Variants in PDHX observed in about 807,000 individuals in gnomAD.
PDHX encodes the protein pyruvate dehydrogenase protein X component, mitochondrial.
PDHX carries 33 observed loss-of-function variants against 55.3 expected under a neutral mutation model. The observed-to-expected ratio is 0.60, with a 90% CI of 0.45 to 0.80. The LOEUF (loss-of-function observed/expected upper bound fraction) is 0.80, where lower values mean the gene tolerates loss of function less well. Among genes scored for constraint, PDHX ranks in the 30% least tolerant of loss-of-function variants. PDHX has a pLI of 0.00. For synonymous variants in PDHX, 226 were observed against 219.4 expected, an observed-to-expected ratio of 1.03 and a Z score of -0.27; for missense variants, 622 against 619.9, an observed-to-expected ratio of 1.00 and a Z score of -0.04.
intron 5 of PDHX, among the ~76,000 whole-genome samples, chr11:34,964,816 GCTATTAGCATAACT>G (rs1169097985): frequency 3.5e-5 from 5 of 142,372 alleles, no homozygotes; most frequent in African/African-American, 1.0e-4. Flanking sequence ...ACTAATATTA[GCTATTAGCATAACT>G]AATATTAGCT....
chr11:34,963,557 G>C (rs937794007), intron 5 of PDHX, among the ~76,000 whole-genome samples: 3 of 152,186 alleles, frequency 2.0e-5, no homozygotes, highest in Non-Finnish European at 4.4e-5. Flanking sequence ...TGGGAATGCA[G>C]ACGTGAGCCA....
chr11:34,970,044 G>A (rs1033460988), intron 6 of PDHX, 95 bp from the exon 7 acceptor site: 1 of 1,011,182 alleles, frequency 9.9e-7, no homozygotes, highest in Non-Finnish European at 1.5e-6. Flanking sequence ...AGGTCATTGA[G>A]AATGAATTTC....
rs948745409 is a variant in PDHX, at chr11:34,986,323, A to G, written c.1182+1595A>G. ...ACTGTATCTCAAAAAAAAAAAAAAA[A>G]AAAGAAAGGTAGCGTTTATTTGGTC... On this transcript the variant is annotated intron_variant, in intron 9 of 10. Transcript: ENST00000227868. Among the ~76,000 whole-genome samples, 8 of 27,642 alleles carry G rather than the reference A, an allele frequency of 2.9e-4. No individual in the cohort carries two copies. In the East Asian group the frequency reaches 8.0e-3, roughly 28 times the overall value. 18.1% of individuals were successfully genotyped at this position (27,642 alleles called of 152,430 possible).
chr11:34,960,347 G>A, intron 4 of PDHX, 73 bp from the exon 5 acceptor site: 5 of 982,550 alleles, frequency 5.1e-6, no homozygotes, highest in Non-Finnish European at 8.1e-6. Context: ...TTGCGAAACT[G>A]TTGACATTTA....
intron 4 of PDHX, among the ~76,000 whole-genome samples, chr11:34,958,213 C>T (rs946343106): frequency 3.3e-5 from 5 of 152,020 alleles, no homozygotes; most frequent in African/African-American, 1.2e-4. Flanking sequence ...AGAAAAAGAT[C>T]TTCATAAAGT....
intron 3 of PDHX, among the ~76,000 whole-genome samples, chr11:34,955,359 C>A (rs955355699): frequency 6.6e-6 from 1 of 152,092 alleles, no homozygotes; most frequent in Non-Finnish European, 1.5e-5. Flanking sequence ...AGGAAATTAG[C>A]ACACCTCTGA....
chr11:34,975,157 A>G (rs1213170230), intron 7 of PDHX, among the ~76,000 whole-genome samples: 1 of 146,686 alleles, frequency 6.8e-6, no homozygotes, highest in Non-Finnish European at 1.5e-5. Context: ...ATTGTATATG[A>G]TGTTTTCCAC....
At position 34,983,967 on chromosome 11, in the gene PDHX, G is replaced by A. The variant is rs181580099; in HGVS notation, c.1024-603G>A. Among the ~76,000 whole-genome samples, 265 of 152,284 alleles carry A rather than the reference G, an allele frequency of 1.7e-3. 1 individual carries two copies. Among genetic ancestry groups the A allele is most frequent in the African/African-American group, 6.1e-3 (252 of 41,560 alleles). Reference sequence around the variant, plus strand: ...ACCAAAAAAGAACCCGCATTGCCAAGTCAATCCTAAGCCAAAAGAACAAAG... The same window carrying A: ...ACCAAAAAAGAACCCGCATTGCCAAATCAATCCTAAGCCAAAAGAACAAAG... On this transcript the variant is annotated intron_variant, in intron 8 of 10. Transcript: ENST00000227868.
chr11:34,934,013 T>C (rs1001448035), intron 2 of PDHX, among the ~76,000 whole-genome samples: 5 of 152,202 alleles, frequency 3.3e-5, no homozygotes, highest in African/African-American at 1.2e-4. Flanking sequence ...GACTCAAGCA[T>C]TTTTCTCTAC....
At chr11:34,977,888 T>C (rs1855413236) in intron 7 of PDHX, 11 of 557,564 alleles carry the variant, frequency 2.0e-5, no homozygotes, top group South Asian at 1.6e-4. Context: ...ATTTAAAAAA[T>C]TGATAACCAA....
At position 34,995,095 on chromosome 11, in the gene PDHX, G is replaced by C. The variant is rs751649853; in HGVS notation, c.1429G>C (p.Val477Leu). 1.2e-6 allele frequency: 2 copies of C among 1,614,060 alleles called. No homozygotes were observed. The highest frequency in any genetic ancestry group is 3.3e-5 in the Admixed American group (2 of 60,006). The change falls in exon 11 of 11, where the codon GTG becomes CTG. Residue 477 changes from valine to leucine, a missense_variant. Coordinates refer to ENST00000227868, the MANE Select transcript of PDHX (RefSeq NM_003477.3). ...ITVTMSSDSRVVDDELATRFL... is the reference protein window; with the variant it reads ...ITVTMSSDSRLVDDELATRFL... ...AGTCACAATGTCAAGTGACAGTCGA[G>C]TGGTTGATGACGAACTGGCAACCAG... is the stretch of plus-strand genomic sequence containing the variant.
chr11:34,983,953 AC>A (rs1437910907), intron 8 of PDHX, among the ~76,000 whole-genome samples: 1 of 152,168 alleles, frequency 6.6e-6, no homozygotes, highest in African/African-American at 2.4e-5. Context: ...CCAAAAAAGA[AC>A]CCGCATTGCC....
Position 34,984,582 on chromosome 11 carries a change from G to A in PDHX, c.1036G>A (p.Val346Ile), listed in dbSNP as rs1332756318. ...AAVTLKQMPD[V>I]NVSWDGEGPK... ...TTTCTATTTCTAGCAAATGCCAGATGTTAATGTAAGCTGGGATGGAGAGGG... is the reference window on the plus strand; with the variant it reads ...TTTCTATTTCTAGCAAATGCCAGATATTAATGTAAGCTGGGATGGAGAGGG... Residue 346 changes from valine (V) to isoleucine (I), a missense_variant, in exon 9 of 11, where the codon GTT becomes ATT. Transcript: ENST00000227868. The A allele has an allele frequency of 2.9e-5, 47 of 1,613,864 alleles. No homozygotes were observed. Among genetic ancestry groups the A allele is most frequent in the Non-Finnish European group, 3.7e-5 (44 of 1,179,942 alleles).
intron 7 of PDHX, among the ~76,000 whole-genome samples, chr11:34,976,996 C>T (rs1295930054): frequency 6.6e-6 from 1 of 152,042 alleles, no homozygotes; most frequent in Non-Finnish European, 1.5e-5. Context: ...CACTGTAAGT[C>T]CATTTATATT....
chr11:34,921,372 G>A (rs1272040612), intron 1 of PDHX, among the ~76,000 whole-genome samples: 2 of 152,028 alleles, frequency 1.3e-5, no homozygotes, highest in Non-Finnish European at 2.9e-5. Context: ...CTTTATGCAC[G>A]ATGCGCTGTC....
upstream of PDHX, chr11:34,916,044 G>T: frequency 5.4e-6 from 4 of 743,196 alleles, 1 homozygote; most frequent in South Asian, 7.5e-5. Flanking sequence ...CTGATCTCCT[G>T]GGGCCTCGCA....
At chr11:34,984,414 C>T (rs1855595464) in intron 8 of PDHX, among the ~76,000 whole-genome samples, 156 bp from the exon 9 acceptor site, 1 of 152,166 alleles carries the variant, frequency 6.6e-6, no homozygotes. Context: ...AGATAATTGA[C>T]ACAGAACTCC....
At position 34,931,968 on chromosome 11, in the gene PDHX, A is replaced by C. The variant is rs190017662; in HGVS notation, c.241+484A>C. Among the ~76,000 whole-genome samples, 3 of 152,260 alleles carry C rather than the reference A, an allele frequency of 2.0e-5. No individual in the cohort carries two copies. The East Asian group carries it at 5.8e-4, about 29-fold the overall frequency. ...AGGGTTGTAGCCCTGCTAATTATTG[A>C]AATATAGTATTAAGCATTTCTAATT... is the stretch of plus-strand genomic sequence containing the variant. On this transcript the variant is annotated intron_variant, in intron 2 of 10. Coordinates refer to ENST00000227868, the MANE Select transcript of PDHX (RefSeq NM_003477.3).
intron 9 of PDHX, among the ~76,000 whole-genome samples, chr11:34,985,774 G>A (rs1026342501): frequency 6.6e-5 from 10 of 152,106 alleles, no homozygotes; most frequent in African/African-American, 1.4e-4. Flanking sequence ...GAGGTAGAAC[G>A]TAAGACTTCT....
Sources: gnomAD v4.1 joint callset for allele counts (sites outside exome capture counted in the v4.1 genomes callset) on GRCh38, gnomAD v4.1.1 for gene constraint, MANE v1.5 for transcripts, NCBI Gene and HGNC (gene_info 2026-07-23, HGNC 2026-07-21) for gene names.